SLC28A3: variants seen among roughly 807,000 people sequenced by gnomAD.
The protein encoded by SLC28A3 is concentrative Na(+)-nucleoside cotransporter 3.
Under a neutral mutation model 84.2 loss-of-function variants are expected in SLC28A3, and 68 were observed. The observed-to-expected ratio is 0.81, with a 90% confidence interval of 0.66 to 0.99. SLC28A3 has a LOEUF of 0.99. SLC28A3 is among the 50% of genes least tolerant of loss of function. The pLI, the probability that SLC28A3 is intolerant of heterozygous loss-of-function variation, is 0.00. For missense variants in SLC28A3, 712 were observed against 841.5 expected (o/e 0.85, Z 1.90); for synonymous variants, 267 against 303.6 (o/e 0.88, Z 1.25).
intron 1 of SLC28A3, among the ~76,000 whole-genome samples, chr9:84,323,894 C>A (rs756702447): frequency 6.6e-6 from 1 of 152,154 alleles, no homozygotes; most frequent in African/African-American, 2.4e-5. Flanking sequence ...GGCCACTGAT[C>A]TCTCGCCAAG....
the SLC28A3 span, among the ~76,000 whole-genome samples, chr9:84,367,750 T>C: frequency 2.0e-5 from 3 of 152,228 alleles, no homozygotes; most frequent in East Asian, 5.8e-4. Flanking sequence ...CAAGGGAAGG[T>C]ACTGTGCCCG....
the SLC28A3 span, among the ~76,000 whole-genome samples, chr9:84,367,837 A>T: frequency 6.6e-6 from 1 of 152,214 alleles, no homozygotes; most frequent in Non-Finnish European, 1.5e-5. Flanking sequence ...GAGCAGTATC[A>T]CTGCCAGCAT....
intron 1 of SLC28A3, among the ~76,000 whole-genome samples, chr9:84,319,495 T>C (rs1826290832): frequency 6.6e-6 from 1 of 152,006 alleles, no homozygotes; most frequent in East Asian, 1.9e-4. Flanking sequence ...TGAACCCTTG[T>C]CTCTCTATTT....
At chr9:84,319,668 A>G (rs979264433) in intron 1 of SLC28A3, among the ~76,000 whole-genome samples, 7 of 152,168 alleles carry the variant, frequency 4.6e-5, no homozygotes, top group Non-Finnish European at 1.0e-4. Flanking sequence ...TGACTATTTC[A>G]AACTGGCTCT....
chr9:84,308,796 T>G (rs1434209966), intron 3 of SLC28A3, among the ~76,000 whole-genome samples: 1 of 152,222 alleles, frequency 6.6e-6, no homozygotes, highest in Non-Finnish European at 1.5e-5. Context: ...CTCTCCTAGT[T>G]GACTTGGGGA....
the SLC28A3 span, among the ~76,000 whole-genome samples, chr9:84,348,407 G>C: frequency 8.6e-5 from 13 of 151,522 alleles, no homozygotes; most frequent in African/African-American, 2.9e-4. Flanking sequence ...TTCCAATTCA[G>C]GCTTTACTTC....
the SLC28A3 span, among the ~76,000 whole-genome samples, chr9:84,350,559 G>A: frequency 2.0e-5 from 3 of 152,140 alleles, no homozygotes; most frequent in South Asian, 6.2e-4. Context: ...TACAGGACTA[G>A]GTTCTAGGTG....
intron 1 of SLC28A3, among the ~76,000 whole-genome samples, chr9:84,325,069 T>C (rs764780756): frequency 1.3e-5 from 2 of 152,250 alleles, no homozygotes; most frequent in Non-Finnish European, 2.9e-5. Context: ...TCATTGGTTT[T>C]GGATTTGAGA....
intron 1 of SLC28A3, among the ~76,000 whole-genome samples, chr9:84,328,773 C>T (rs1826670538): frequency 2.6e-5 from 4 of 151,236 alleles, no homozygotes; most frequent in Admixed American, 6.6e-5. Flanking sequence ...AAACAGAAAA[C>T]AAAAATTAGC....
chr9:84,286,935 G>T (rs1825013322), intron 12 of SLC28A3, among the ~76,000 whole-genome samples: 1 of 152,102 alleles, frequency 6.6e-6, no homozygotes, highest in African/African-American at 2.4e-5. Flanking sequence ...GGGTGCAGTG[G>T]CTCACACCCT....
At chr9:84,281,403 TCAA>T (rs1824742089) in intron 14 of SLC28A3, among the ~76,000 whole-genome samples, 1 of 152,182 alleles carries the variant, frequency 6.6e-6, no homozygotes, top group Non-Finnish European at 1.5e-5. Flanking sequence ...GAAAAGATGT[TCAA>T]CATCATTGAT....
At chr9:84,294,608 A>G (rs1825348976) in intron 8 of SLC28A3, among the ~76,000 whole-genome samples, 1 of 152,206 alleles carries the variant, frequency 6.6e-6, no homozygotes, top group Non-Finnish European at 1.5e-5. Context: ...GGGCTTCACC[A>G]CTAGTTAGCA....
In SLC28A3 at chr9:84,321,778, G is replaced by A. The variant is rs182448976; in HGVS notation, c.61-8324C>T. On this transcript the variant is annotated intron_variant, in intron 1 of 17. Coordinates refer to ENST00000376238, the MANE Select transcript of SLC28A3 (RefSeq NM_001199633.2). ...AAAGAAACATTATACACTGCTGGGCGTGGTGGCTCATGCCTATAATCCCAG... is the reference window on the plus strand; with the variant it reads ...AAAGAAACATTATACACTGCTGGGCATGGTGGCTCATGCCTATAATCCCAG... Among the ~76,000 whole-genome samples, 139 of 150,934 alleles carry A rather than the reference G, an allele frequency of 9.2e-4. 2 individuals are homozygous for A. Among genetic ancestry groups the A allele is most frequent in the African/African-American group, 3.2e-3 (133 of 41,072 alleles).
intron 1 of SLC28A3, among the ~76,000 whole-genome samples, chr9:84,316,830 G>A (rs145552875): frequency 7.2e-5 from 11 of 152,014 alleles, no homozygotes; most frequent in East Asian, 1.9e-4. Context: ...GTAACACCTC[G>A]TCTCTACTAA....
At chr9:84,318,570 A>T (rs1178637813) in intron 1 of SLC28A3, among the ~76,000 whole-genome samples, 1 of 152,186 alleles carries the variant, frequency 6.6e-6, no homozygotes, top group Non-Finnish European at 1.5e-5. Flanking sequence ...GTGAGTCCTC[A>T]TAGAATATGG....
intron 4 of SLC28A3, among the ~76,000 whole-genome samples, chr9:84,304,359 G>A (rs1373517748): frequency 6.6e-6 from 1 of 152,116 alleles, no homozygotes; most frequent in Non-Finnish European, 1.5e-5. Flanking sequence ...TAATGTCTGT[G>A]GTTTGGATCA....
chr9:84,288,102 G>A lies in SLC28A3; in HGVS notation c.1226C>T (p.Pro409Leu). Residue 409 changes from proline to leucine, a missense_variant, in exon 12 of 18, where the codon CCT becomes CTT. Pro to Leu is a moderately conservative substitution (Grantham distance 98). Transcript: ENST00000376238. ...ASLAAAKLFW[P>L]ETEKPKITLK... ...GGTTATTTTAGGTTTTTCTGTCTCA[G>A]GCCAAAAGAGTTTAGCAGCAGCCAA... 1 of 1,614,026 alleles carries A rather than the reference G, an allele frequency of 6.2e-7. No individual in the cohort carries two copies. The highest frequency in any genetic ancestry group is 8.5e-7 in the Non-Finnish European group (1 of 1,179,986).
intron 1 of SLC28A3, among the ~76,000 whole-genome samples, chr9:84,324,734 G>A (rs753277550): frequency 9.2e-5 from 14 of 152,126 alleles, no homozygotes; most frequent in Admixed American, 2.0e-4. Flanking sequence ...AATAGCACCC[G>A]TCAGTGAATG....
chr9:84,336,394 C>T (rs545055317), intron 1 of SLC28A3, among the ~76,000 whole-genome samples: 3 of 152,286 alleles, frequency 2.0e-5, no homozygotes, highest in African/African-American at 7.2e-5. Flanking sequence ...AACTCAGCTA[C>T]TCAGGAGGCT....
Sources: gnomAD v4.1 joint callset for allele counts (sites outside exome capture counted in the v4.1 genomes callset) on GRCh38, gnomAD v4.1.1 for gene constraint, MANE v1.5 for transcripts, NCBI Gene and HGNC (gene_info 2026-07-23, HGNC 2026-07-21) for gene names.